The following DHX57 variants were observed in gnomAD, a reference collection of about 807,000 sequenced individuals.
DHX57 encodes DExH-box helicase 57, also known as putative ATP-dependent RNA helicase DHX57.
In DHX57, 105 loss-of-function variants were observed where a neutral mutation model predicts 156.2. That is an observed-to-expected ratio of 0.67 (90% CI 0.57 to 0.79). DHX57 has a LOEUF of 0.79. DHX57 is among the 30% of genes least tolerant of loss of function. DHX57 has a pLI of 0.00. For missense variants in DHX57, 1,847 were observed against 1,661.9 expected (o/e 1.11, Z -1.94); for synonymous variants, 704 against 595.6 (o/e 1.18, Z -2.65).
intron 13 of DHX57, among the ~76,000 whole-genome samples, chr2:38,834,276 A>G (rs1311161782): frequency 6.7e-6 from 1 of 148,598 alleles, no homozygotes; most frequent in Non-Finnish European, 1.5e-5. Context: ...GGTTGCGGTG[A>G]GCCGAGATCA....
chr2:38,810,785 C>G, intron 21 of DHX57: 1 of 777,186 alleles, frequency 1.3e-6, no homozygotes. Context: ...GCAAAGCCCT[C>G]AATGTCTAAA....
intron 6 of DHX57, among the ~76,000 whole-genome samples, chr2:38,857,756 A>G (rs1326645384): frequency 6.6e-6 from 1 of 152,240 alleles, no homozygotes; most frequent in African/African-American, 2.4e-5. Context: ...TAAAAACAAA[A>G]TGGACTTTAG....
Position 38,858,856 on chromosome 2 carries a change from A to G in DHX57, c.1412-20T>C, listed in dbSNP as rs1182234917. 1 of 1,603,130 alleles carries G rather than the reference A, an allele frequency of 6.2e-7. No homozygotes were observed. Among genetic ancestry groups the G allele is most frequent in the Non-Finnish European group, 8.5e-7 (1 of 1,177,392 alleles). On this transcript the variant is annotated intron_variant, in intron 5 of 23. Transcript: ENST00000457308. Reference sequence around the variant, plus strand: ...TTTCAACTTGAAGGAAATAAAAGAAAACATTTCAGTATGGAGCCCTTTCTT... The same window carrying G: ...TTTCAACTTGAAGGAAATAAAAGAAGACATTTCAGTATGGAGCCCTTTCTT...
intron 23 of DHX57, among the ~76,000 whole-genome samples, chr2:38,799,256 C>T (rs1275334095): frequency 6.6e-6 from 1 of 150,626 alleles, no homozygotes; most frequent in East Asian, 2.0e-4. Flanking sequence ...ATTCCAGCTA[C>T]TTGGGAGGCT....
intron 9 of DHX57, among the ~76,000 whole-genome samples, chr2:38,851,767 C>T (rs1672604170): frequency 6.6e-6 from 1 of 152,082 alleles, no homozygotes; most frequent in Admixed American, 6.6e-5. Flanking sequence ...TATAGGTTTC[C>T]CTAAAAGTTT....
In DHX57 at chr2:38,812,841, C is replaced by CTTGT. The variant is rs71693783; in HGVS notation, c.3681+976_3681+979dup. Among the ~76,000 whole-genome samples the CTTGT allele has an allele frequency of 1.5e-3, 201 of 132,700 alleles. 1 individual carries two copies. Among genetic ancestry groups the CTTGT allele is most frequent in the South Asian group, 0.014 (58 of 4,252 alleles). The allele number at this position is 132,700 out of a possible 152,430, so 87.1% of individuals were successfully genotyped here. ...AGCCATCGTGCCTGTCCCTTATTTA[C>CTTGT]TTGTTTGTTTGTTTGTTTGTTTTTG... On this transcript the variant is annotated intron_variant, in intron 21 of 23. Transcript: ENST00000457308.
intron 13 of DHX57, among the ~76,000 whole-genome samples, chr2:38,829,678 C>G (rs910333271): frequency 2.0e-5 from 3 of 152,044 alleles, no homozygotes; most frequent in Admixed American, 6.6e-5. Flanking sequence ...TTTAGCCTCC[C>G]GAGTAGTTGG....
chr2:38,804,632 G>A (rs943179202), intron 22 of DHX57, among the ~76,000 whole-genome samples: 5 of 149,596 alleles, frequency 3.3e-5, no homozygotes, highest in Admixed American at 6.7e-5. Flanking sequence ...CCCCACCCCT[G>A]CCTACTCGTC....
At chr2:38,825,684 T>C (rs951450590) in intron 16 of DHX57, among the ~76,000 whole-genome samples, 163 bp downstream of exon 16, 4 of 152,116 alleles carry the variant, frequency 2.6e-5, no homozygotes, top group African/African-American at 9.7e-5. Context: ...TTAAAAGGAA[T>C]GGTAAAGGCA....
At chr2:38,849,350 C>T (rs1474357618) in intron 9 of DHX57, among the ~76,000 whole-genome samples, 1 of 152,314 alleles carries the variant, frequency 6.6e-6, no homozygotes, top group Middle Eastern at 3.4e-3. Context: ...CCTAATTGGT[C>T]TCTTGGCCCT....
At chr2:38,799,750 CAA>C (rs34097778) in intron 23 of DHX57, among the ~76,000 whole-genome samples, 42 of 99,104 alleles carry the variant, frequency 4.2e-4, no homozygotes, top group Admixed American at 7.1e-4. Context: ...AACTCCATCT[CAA>C]AAAAAAAAAA....
At chr2:38,871,161 T>C (rs1311727313) in intron 1 of DHX57, among the ~76,000 whole-genome samples, 1 of 152,200 alleles carries the variant, frequency 6.6e-6, no homozygotes, top group Non-Finnish European at 1.5e-5. Flanking sequence ...ATATTGGACA[T>C]TTATTTATTT....
chr2:38,864,513 T>C (rs1664949662), intron 2 of DHX57, among the ~76,000 whole-genome samples: 1 of 152,216 alleles, frequency 6.6e-6, no homozygotes, highest in Non-Finnish European at 1.5e-5. Flanking sequence ...AAAGTCATCC[T>C]TTATCTTAAA....
At position 38,861,127 on chromosome 2, in the gene DHX57, G is replaced by T; in HGVS notation, c.1283C>A (p.Thr428Asn). Residue 428 changes from threonine to asparagine, a missense_variant, in exon 5 of 24, where the codon ACC becomes AAC. By Grantham distance (65) the Thr-to-Asn change is moderately conservative (BLOSUM62 0). Transcript: ENST00000457308. ...ESEIVKLLTN[T>N]HHKYSDPPVN... ...AGGAGGGTCACTATACTTGTGGTGGGTATTCGTTAGTAACTTGACTATTTC... is the reference window on the plus strand; with the variant it reads ...AGGAGGGTCACTATACTTGTGGTGGTTATTCGTTAGTAACTTGACTATTTC... 1 of 1,614,156 alleles carries T rather than the reference G, an allele frequency of 6.2e-7. No homozygotes were observed. Among genetic ancestry groups the T allele is most frequent in the Non-Finnish European group, 8.5e-7 (1 of 1,180,012 alleles).
intron 9 of DHX57, among the ~76,000 whole-genome samples, chr2:38,852,253 G>A (rs1252654279): frequency 3.4e-5 from 5 of 148,210 alleles, no homozygotes; most frequent in East Asian, 2.0e-4. Context: ...CTCGGCTCAC[G>A]GCAACCTCCG....
intron 2 of DHX57, among the ~76,000 whole-genome samples, chr2:38,867,795 C>T (rs549910341): frequency 6.6e-6 from 1 of 150,944 alleles, no homozygotes; most frequent in Non-Finnish European, 1.5e-5. Context: ...TGACCTCAAG[C>T]GATCCACACA....
chr2:38,808,246 C>T (rs1356056579), intron 21 of DHX57, among the ~76,000 whole-genome samples: 1 of 151,968 alleles, frequency 6.6e-6, no homozygotes, highest in Non-Finnish European at 1.5e-5. Flanking sequence ...AGCCACTGCA[C>T]CCAGCCAGTA....
chr2:38,871,600 A>G (rs1665356079), intron 1 of DHX57, among the ~76,000 whole-genome samples: 1 of 152,164 alleles, frequency 6.6e-6, no homozygotes, highest in African/African-American at 2.4e-5. Context: ...GTCCAAGAGC[A>G]TGATGCTGGC....
chr2:38,829,046 A>G (rs1671246357), intron 13 of DHX57, among the ~76,000 whole-genome samples: 1 of 150,888 alleles, frequency 6.6e-6, no homozygotes, highest in South Asian at 2.1e-4. Flanking sequence ...GGCTCAGGTG[A>G]TTTTCCTACC....
Sources: allele counts gnomAD v4.1 joint callset (sites outside exome capture counted in the v4.1 genomes callset), GRCh38; gene constraint gnomAD v4.1.1; transcripts MANE v1.5; gene names NCBI Gene and HGNC (gene_info 2026-07-23, HGNC 2026-07-21).